The following CAAP1 variants were observed in gnomAD, a reference collection of about 807,000 sequenced individuals.
CAAP1 encodes caspase activity and apoptosis inhibitor 1.
In CAAP1, 20 loss-of-function variants were observed where a neutral mutation model predicts 34.0. That is an observed-to-expected ratio of 0.59 (90% CI 0.41 to 0.86). The LOEUF is 0.86. CAAP1 is among the 40% of genes least tolerant of loss of function. The pLI is 0.00. For missense variants in CAAP1, 538 were observed against 450.5 expected, an observed-to-expected ratio of 1.19 and a Z score of -1.76; for synonymous variants, 213 against 166.7, an observed-to-expected ratio of 1.28 and a Z score of -2.14.
At chr9:26,872,567 T>C (rs1823305722) in intron 4 of CAAP1, among the ~76,000 whole-genome samples, 1 of 149,572 alleles carries the variant, frequency 6.7e-6, no homozygotes, top group Non-Finnish European at 1.5e-5. Flanking sequence ...TATATATATA[T>C]ATATATTTAG....
At chr9:26,871,811 G>A (rs1366706382) in intron 4 of CAAP1, among the ~76,000 whole-genome samples, 2 of 151,560 alleles carry the variant, frequency 1.3e-5, no homozygotes, top group African/African-American at 4.9e-5. Flanking sequence ...CTACTTAGGA[G>A]GCTGAGGCAG....
chr9:26,884,469 T>G, intron 4 of CAAP1, among the ~76,000 whole-genome samples: 1 of 152,186 alleles, frequency 6.6e-6, no homozygotes. Context: ...TGCTGTTTAA[T>G]GTAGTACCTG....
At chr9:26,866,132 C>T (rs1823132056) in intron 4 of CAAP1, among the ~76,000 whole-genome samples, 1 of 151,716 alleles carries the variant, frequency 6.6e-6, no homozygotes, top group South Asian at 2.1e-4. Context: ...CAAGCGTGAG[C>T]CACCACACAC....
chr9:26,872,532 TAGAC>T (rs1214715663), intron 4 of CAAP1, among the ~76,000 whole-genome samples: 2 of 147,206 alleles, frequency 1.4e-5, no homozygotes, highest in South Asian at 2.1e-4. Context: ...AGATTTTAAA[TAGAC>T]AGATAGATAT....
intron 5 of CAAP1, among the ~76,000 whole-genome samples, chr9:26,854,642 T>C (rs1272599385): frequency 1.3e-5 from 2 of 152,144 alleles, no homozygotes; most frequent in Non-Finnish European, 2.9e-5. Context: ...ACAGAAAACA[T>C]CTGCAAAACA....
chr9:26,867,818 T>C (rs1033066563), intron 4 of CAAP1, among the ~76,000 whole-genome samples: 15 of 152,126 alleles, frequency 9.9e-5, no homozygotes, highest in African/African-American at 3.4e-4. Flanking sequence ...TTAATTTCCT[T>C]TCTAATTCTG....
chr9:26,844,289 G>A (rs143241676), intron 5 of CAAP1, among the ~76,000 whole-genome samples: 3,326 of 152,242 alleles, frequency 0.022, 114 homozygotes, highest in African/African-American at 0.075. Flanking sequence ...CCTGGGAGGC[G>A]GAGGTTGTGG....
chr9:26,892,342 T>A (rs1334489310), intron 1 of CAAP1, 71 bp downstream of exon 1: 1 of 1,576,266 alleles, frequency 6.3e-7, no homozygotes. Context: ...CTGCGCCCCA[T>A]CCCTCTGGAA....
At position 26,841,874 on chromosome 9, in the gene CAAP1, A is replaced by G. The variant is rs1822487564; in HGVS notation, c.*427T>C. ...TATTTAAAAAGTGCATATAAGCAAAACTAAATTTCTCAAATTAAATAATTT... is the reference window on the plus strand; with the variant it reads ...TATTTAAAAAGTGCATATAAGCAAAGCTAAATTTCTCAAATTAAATAATTT... On this transcript the variant is annotated 3_prime_UTR_variant, in exon 6 of 6. Transcript: ENST00000333916. 1 of 152,718 alleles carries G rather than the reference A, an allele frequency of 6.5e-6. No individual in the cohort carries two copies. The highest frequency in any genetic ancestry group is 2.1e-4 in the South Asian group (1 of 4,834). 9.5% of individuals were successfully genotyped at this position (152,718 alleles called of 1,614,324 possible).
intron 2 of CAAP1, 128 bp downstream of exon 2, chr9:26,887,185 C>A (rs189254614): frequency 8.5e-5 from 50 of 590,548 alleles, no homozygotes; most frequent in Middle Eastern, 9.3e-4. Flanking sequence ...ACACTCCAGC[C>A]TGGGCGACAG....
chr9:26,852,414 C>T (rs1587092647), intron 5 of CAAP1, among the ~76,000 whole-genome samples: 2 of 151,898 alleles, frequency 1.3e-5, no homozygotes, highest in South Asian at 2.1e-4. Flanking sequence ...GAGATCACGC[C>T]ACTGCACTCC....
At chr9:26,843,418 C>T (rs1822524327) in intron 5 of CAAP1, among the ~76,000 whole-genome samples, 1 of 151,912 alleles carries the variant, frequency 6.6e-6, no homozygotes, top group Admixed American at 6.6e-5. Context: ...CACTTATATT[C>T]CTAATTAATT....
At chr9:26,850,881 T>C (rs1288801417) in intron 5 of CAAP1, among the ~76,000 whole-genome samples, 1 of 152,094 alleles carries the variant, frequency 6.6e-6, no homozygotes, top group African/African-American at 2.4e-5. Flanking sequence ...TTTCTAAAGA[T>C]AAAGAAAAAA....
intron 4 of CAAP1, among the ~76,000 whole-genome samples, chr9:26,872,853 T>A (rs994705571): frequency 3.3e-5 from 5 of 150,994 alleles, no homozygotes; most frequent in African/African-American, 1.2e-4. Context: ...TATTTAGGAA[T>A]ATCTTTTTTA....
chr9:26,852,908 G>A (rs1383194462), intron 5 of CAAP1, among the ~76,000 whole-genome samples: 1 of 152,184 alleles, frequency 6.6e-6, no homozygotes, highest in Non-Finnish European at 1.5e-5. Context: ...GAAGCGGGCA[G>A]GCAGAAGGAA....
chr9:26,860,838 A>G (rs890102150), intron 5 of CAAP1, among the ~76,000 whole-genome samples: 5 of 152,150 alleles, frequency 3.3e-5, no homozygotes, highest in African/African-American at 1.2e-4. Context: ...CTGAAATAAA[A>G]CTATTCAAGA....
Position 26,842,273 on chromosome 9 carries a change from AC to A in CAAP1, c.*27del, listed in dbSNP as rs764148847. On this transcript the variant is annotated 3_prime_UTR_variant, in exon 6 of 6. Transcript: ENST00000333916. The stretch of plus-strand genomic sequence containing the variant: ...AAATGATGTGGCTTTGTTCAAACAT[AC>A]CTAAAATTCAAAATCAAGTTAAATA... The A allele has an allele frequency of 6.7e-7, 1 of 1,496,634 alleles. No homozygotes were observed. Among genetic ancestry groups the A allele is most frequent in the African/African-American group, 1.4e-5 (1 of 71,234 alleles). The allele number at this position is 1,496,634 out of a possible 1,614,324, so 92.7% of individuals were successfully genotyped here.
intron 5 of CAAP1, among the ~76,000 whole-genome samples, chr9:26,843,594 GT>G (rs555327004): frequency 0.023 from 3,337 of 145,852 alleles, 113 homozygotes; most frequent in African/African-American, 0.078. Context: ...CCATGAATAT[GT>G]TTTTTTTTTT....
At chr9:26,861,201 C>A (rs1381083897) in intron 4 of CAAP1, 62 bp from the exon 5 acceptor site, 1 of 1,224,798 alleles carries the variant, frequency 8.2e-7, no homozygotes, top group African/African-American at 1.5e-5. Context: ...ATTTACTACC[C>A]AGGTTCCCAG....
Sources: allele counts gnomAD v4.1 joint callset (sites outside exome capture counted in the v4.1 genomes callset), GRCh38; gene constraint gnomAD v4.1.1; transcripts MANE v1.5; gene names NCBI Gene and HGNC (gene_info 2026-07-23, HGNC 2026-07-21).